The following INSYN2B variants were observed in gnomAD, a reference collection of about 807,000 sequenced individuals.
INSYN2B encodes inhibitory synaptic factor family member 2B, also known as protein INSYN2B.
In INSYN2B, 16 loss-of-function variants were observed where a neutral mutation model predicts 41.2. The ratio of observed to expected loss-of-function variants is 0.39; its 90% confidence interval spans 0.26 to 0.59. The LOEUF (loss-of-function observed/expected upper bound fraction) is 0.59, where lower values mean the gene tolerates loss of function less well. INSYN2B is among the 20% of genes least tolerant of loss of function. The probability of loss-of-function intolerance (pLI) is 0.57; values close to 1 mark genes in which losing one functional copy is unlikely to be tolerated. For synonymous variants in INSYN2B, 245 were observed against 244.4 expected, an observed-to-expected ratio of 1.00 and a Z score of -0.02; for missense variants, 608 against 646.4, an observed-to-expected ratio of 0.94 and a Z score of 0.64.
At chr5:169,944,658 T>C (rs1284880723) in intron 1 of INSYN2B, among the ~76,000 whole-genome samples, 1 of 152,206 alleles carries the variant, frequency 6.6e-6, no homozygotes, top group Non-Finnish European at 1.5e-5. Context: ...TTCACAATGA[T>C]TGGGAGCAAA....
chr5:169,952,290 C>T (rs1776694082), intron 1 of INSYN2B, among the ~76,000 whole-genome samples: 1 of 152,128 alleles, frequency 6.6e-6, no homozygotes, highest in Non-Finnish European at 1.5e-5. Flanking sequence ...TTATTGAGAA[C>T]TTGTTGTGTA....
At chr5:169,875,298 C>G (rs1246747572) in intron 3 of INSYN2B, 1 of 456,654 alleles carries the variant, frequency 2.2e-6, no homozygotes, top group East Asian at 7.0e-5. Flanking sequence ...GGGCTGAAAC[C>G]CAGCAACAAG....
intron 1 of INSYN2B, among the ~76,000 whole-genome samples, chr5:169,902,784 A>G (rs1396648714): frequency 6.6e-6 from 1 of 152,192 alleles, no homozygotes; most frequent in East Asian, 1.9e-4. Context: ...CAGAGCCCAC[A>G]GAGTAGTGAG....
At chr5:169,899,796 C>T (rs1328620911) in intron 1 of INSYN2B, among the ~76,000 whole-genome samples, 1 of 152,148 alleles carries the variant, frequency 6.6e-6, no homozygotes, top group Non-Finnish European at 1.5e-5. Flanking sequence ...AGTGTTGTGC[C>T]TTTTGTTGAC....
At chr5:169,945,200 G>C (rs993196108) in intron 1 of INSYN2B, among the ~76,000 whole-genome samples, 2 of 152,244 alleles carry the variant, frequency 1.3e-5, no homozygotes, top group Non-Finnish European at 2.9e-5. Context: ...TGCTGCAGCT[G>C]TATGAGCTTG....
At chr5:169,953,746 C>T (rs968117142) in intron 1 of INSYN2B, among the ~76,000 whole-genome samples, 3 of 152,168 alleles carry the variant, frequency 2.0e-5, no homozygotes, top group African/African-American at 4.8e-5. Flanking sequence ...CCCTTCTCAA[C>T]CTGCCAGCAC....
At chr5:169,878,060 G>C (rs1434309648) in intron 3 of INSYN2B, among the ~76,000 whole-genome samples, 1 of 152,196 alleles carries the variant, frequency 6.6e-6, no homozygotes, top group African/African-American at 2.4e-5. Context: ...AGAAATGCGT[G>C]ATCTCTGTAA....
chr5:169,887,680 A>G (rs937680948), intron 1 of INSYN2B, among the ~76,000 whole-genome samples: 1 of 152,216 alleles, frequency 6.6e-6, no homozygotes, highest in African/African-American at 2.4e-5. Flanking sequence ...AAAGTCTATA[A>G]ATAAACATTT....
intron 1 of INSYN2B, among the ~76,000 whole-genome samples, chr5:169,938,815 T>A (rs1187135247): frequency 6.6e-6 from 1 of 152,226 alleles, no homozygotes; most frequent in Non-Finnish European, 1.5e-5. Context: ...GTAATAACGC[T>A]TAGCTTAAAA....
At chr5:169,973,501 A>G (rs1777602539) in intron 1 of INSYN2B, among the ~76,000 whole-genome samples, 1 of 152,154 alleles carries the variant, frequency 6.6e-6, no homozygotes, top group Non-Finnish European at 1.5e-5. Context: ...CAGAACCTGC[A>G]TGGTTATCCC....
intron 1 of INSYN2B, among the ~76,000 whole-genome samples, chr5:169,967,039 G>T (rs921568704): frequency 6.6e-6 from 1 of 152,228 alleles, no homozygotes; most frequent in Non-Finnish European, 1.5e-5. Context: ...TAATGGTGAA[G>T]TACCTCCTAT....
intron 1 of INSYN2B, among the ~76,000 whole-genome samples, chr5:169,913,820 A>G (rs1045147401): frequency 3.9e-5 from 6 of 152,228 alleles, no homozygotes; most frequent in Admixed American, 6.5e-5. Flanking sequence ...TAGAATAACA[A>G]CTACAATGTT....
chr5:169,881,278 TGAC>T, intron 3 of INSYN2B, 87 bp downstream of exon 3: 1 of 1,101,088 alleles, frequency 9.1e-7, no homozygotes, highest in Admixed American at 2.2e-5. Context: ...TTGCCTCTCT[TGAC>T]TTTTTGCATT....
At chr5:169,874,019 A>G (rs570259704) in intron 3 of INSYN2B, among the ~76,000 whole-genome samples, 361 of 152,358 alleles carry the variant, frequency 2.4e-3, no homozygotes, top group Non-Finnish European at 3.8e-3. Flanking sequence ...GTTGCTAGAT[A>G]CAAAGGGAGG....
chr5:169,944,611 T>C (rs1426712997), intron 1 of INSYN2B, among the ~76,000 whole-genome samples: 1 of 152,232 alleles, frequency 6.6e-6, no homozygotes, highest in Non-Finnish European at 1.5e-5. Context: ...CCTCTGTGCC[T>C]TGGTTTCCTC....
intron 1 of INSYN2B, among the ~76,000 whole-genome samples, chr5:169,941,358 C>T (rs1466358033): frequency 6.6e-6 from 1 of 152,090 alleles, no homozygotes; most frequent in Non-Finnish European, 1.5e-5. Context: ...CAGGCCTGTG[C>T]CCCCAGGCCC....
At chr5:169,919,736 C>T (rs537187852) in intron 1 of INSYN2B, among the ~76,000 whole-genome samples, 114 of 152,260 alleles carry the variant, frequency 7.5e-4, no homozygotes, top group African/African-American at 2.6e-3. Flanking sequence ...TCTGAGTCCC[C>T]GCGAAACCTG....
chr5:169,869,722 T>C (rs1771829698), intron 3 of INSYN2B, among the ~76,000 whole-genome samples: 1 of 152,218 alleles, frequency 6.6e-6, no homozygotes, highest in South Asian at 2.1e-4. Context: ...TTGAAGTTAA[T>C]TCTTAGCAGA....
chr5:169,957,410 C>G (rs1776914530), intron 1 of INSYN2B, among the ~76,000 whole-genome samples: 1 of 152,180 alleles, frequency 6.6e-6, no homozygotes, highest in Non-Finnish European at 1.5e-5. Context: ...AGGCACTCAA[C>G]CAATGTTAGC....
Sources: allele counts gnomAD v4.1 joint callset (sites outside exome capture counted in the v4.1 genomes callset), GRCh38; gene constraint gnomAD v4.1.1; transcripts MANE v1.5; gene names NCBI Gene and HGNC (gene_info 2026-07-23, HGNC 2026-07-21).